ADGRV1: variants seen among roughly 807,000 people sequenced by gnomAD.
ADGRV1 encodes the protein adhesion G protein-coupled receptor V1, also known as G-protein coupled receptor 98.
Under a neutral mutation model 596.2 loss-of-function variants are expected in ADGRV1, and 359 were observed. The ratio of observed to expected loss-of-function variants is 0.60; its 90% CI spans 0.55 to 0.66. ADGRV1 has a LOEUF of 0.66. Ranked by LOEUF, ADGRV1 falls within the 30% of genes least tolerant of loss-of-function variation. ADGRV1 has a pLI of 0.00. For synonymous variants in ADGRV1, 2,681 were observed against 2,679.2 expected (o/e 1.00, Z -0.02); for missense variants, 7,274 against 7,575.6 (o/e 0.96, Z 1.48).
At chr5:91,120,021 A>G (rs1032820385) in intron 87 of ADGRV1, among the ~76,000 whole-genome samples, 1 of 152,150 alleles carries the variant, frequency 6.6e-6, no homozygotes, top group African/African-American at 2.4e-5. Flanking sequence ...AGGTGAGACT[A>G]GTAAGAACAA....
At chr5:90,648,999 A>G (rs1430403065) in intron 17 of ADGRV1, among the ~76,000 whole-genome samples, 1 of 152,166 alleles carries the variant, frequency 6.6e-6, no homozygotes, top group Non-Finnish European at 1.5e-5. Context: ...CGATGAAGGA[A>G]TGATATTATT....
At chr5:91,066,607 T>G (rs1308896256) in intron 85 of ADGRV1, among the ~76,000 whole-genome samples, 1 of 152,192 alleles carries the variant, frequency 6.6e-6, no homozygotes, top group Non-Finnish European at 1.5e-5. Context: ...TTTGGGGATG[T>G]GGAATCATAG....
chr5:90,566,905 G>T (rs2151947544), intron 1 of ADGRV1, among the ~76,000 whole-genome samples: 1 of 152,226 alleles, frequency 6.6e-6, no homozygotes, highest in South Asian at 2.1e-4. Context: ...ATCTTAGAGA[G>T]AAAACTTTTG....
chr5:91,095,892 C>T (rs900427653), intron 86 of ADGRV1, among the ~76,000 whole-genome samples: 9 of 152,052 alleles, frequency 5.9e-5, no homozygotes, highest in African/African-American at 2.2e-4. Context: ...GTGTCATGCT[C>T]CTGCCTCAGC....
In ADGRV1 at chr5:90,653,333, G is replaced by A. The variant is rs1768912966; in HGVS notation, c.3759G>A (p.Val1253=). The change falls in exon 20 of 90, where the codon GTG becomes GTA. Residue 1253 remains valine, a synonymous_variant. Coordinates refer to ENST00000405460, the MANE Select transcript of ADGRV1 (RefSeq NM_032119.4). ...ILDPECLERE[V]AEDVLSEDDM... Reference sequence around the variant, plus strand: ...ATCCAGAGTGTTTAGAGAGAGAAGTGGCAGAAGATGTCCTGTCTGAAGATG... The same window carrying A: ...ATCCAGAGTGTTTAGAGAGAGAAGTAGCAGAAGATGTCCTGTCTGAAGATG... The A allele has an allele frequency of 1.9e-6, 3 of 1,613,822 alleles. No homozygotes were observed. Among genetic ancestry groups the A allele is most frequent in the African/African-American group, 2.7e-5 (2 of 74,904 alleles).
intron 9 of ADGRV1, chr5:90,629,784 C>T (rs1339791624): frequency 3.8e-5 from 12 of 316,550 alleles, no homozygotes; most frequent in East Asian, 5.6e-5. Context: ...GTACACCAGA[C>T]GTGAAATGCC....
chr5:90,942,337 G>C (rs1282740286), intron 83 of ADGRV1, among the ~76,000 whole-genome samples: 3 of 152,178 alleles, frequency 2.0e-5, no homozygotes, highest in African/African-American at 7.2e-5. Context: ...AAAAACAGTG[G>C]ACTAGGTGTA....
At position 90,683,606 on chromosome 5, in the gene ADGRV1, T is replaced by A; in HGVS notation, c.5685T>A (p.Thr1895=). The change falls in exon 28 of 90, where the codon ACT becomes ACA. Residue 1895 remains threonine, a synonymous_variant. Transcript: ENST00000405460. The part of the protein sequence containing the change: ...VTLNVIRHHG[T]LSPVTLHWNI... The stretch of plus-strand genomic sequence containing the variant: ...TGTAGGTTATAAGACATCATGGAAC[T>A]CTGTCTCCAGTGACTTTGCATTGGA... The A allele has an allele frequency of 1.2e-6, 2 of 1,601,862 alleles. No homozygotes were observed. Among genetic ancestry groups the A allele is most frequent in the Non-Finnish European group, 1.7e-6 (2 of 1,170,196 alleles).
rs77751118 is a variant in ADGRV1 at position 90,753,271 on chromosome 5, C to A, written c.11122-303C>A. On this transcript the variant is annotated intron_variant, in intron 53 of 89. Transcript: ENST00000405460. ...GGATCTTTGTATATGGTATCTAGAACTTAGATTCCCAGAGAGACTGTATAC... is the reference window on the plus strand; with the variant it reads ...GGATCTTTGTATATGGTATCTAGAAATTAGATTCCCAGAGAGACTGTATAC... Among the ~76,000 whole-genome samples the A allele has an allele frequency of 0.049, 7,401 of 152,114 alleles. 613 individuals carry two copies. The highest frequency in any genetic ancestry group is 0.17 in the African/African-American group (7,005 of 41,484).
At chr5:90,830,683 C>A (rs1375750429) in intron 77 of ADGRV1, among the ~76,000 whole-genome samples, 1 of 152,070 alleles carries the variant, frequency 6.6e-6, no homozygotes, top group Non-Finnish European at 1.5e-5. Context: ...ATTTATGGAA[C>A]AATATATTTT....
intron 4 of ADGRV1, among the ~76,000 whole-genome samples, chr5:90,621,915 T>C (rs952800177): frequency 1.3e-5 from 2 of 152,132 alleles, no homozygotes; most frequent in Non-Finnish European, 2.9e-5. Flanking sequence ...AACTATCGCA[T>C]TGAAACCTCA....
At chr5:90,716,381 A>G in intron 42 of ADGRV1, 86 bp from the exon 43 acceptor site, 2 of 922,090 alleles carry the variant, frequency 2.2e-6, no homozygotes, top group South Asian at 2.5e-5. Context: ...GAGTTGGCCT[A>G]GTTTTCAATT....
intron 82 of ADGRV1, among the ~76,000 whole-genome samples, chr5:90,862,541 C>A (rs1767708161): frequency 6.6e-6 from 1 of 152,116 alleles, no homozygotes; most frequent in African/African-American, 2.4e-5. Context: ...AGTCAAGATG[C>A]ACAATATCTA....
intron 88 of ADGRV1, among the ~76,000 whole-genome samples, 176 bp from the exon 89 acceptor site, chr5:91,153,045 T>C (rs549789530): frequency 1.3e-5 from 2 of 152,254 alleles, no homozygotes; most frequent in East Asian, 3.9e-4. Flanking sequence ...TGAGACTCCA[T>C]CTCTAGAAAA....
rs1339086489 is a variant in ADGRV1, at chr5:90,689,858, C to T, written c.6491-3C>T. ...CTTAACATTTTACTTTTGGTCTTTT[C>T]AGGTGAAGATTATAGTATAGCTTCA... On this transcript the variant is annotated splice_polypyrimidine_tract_variant and splice_region_variant and intron_variant, in intron 29 of 89. Transcript: ENST00000405460. The T allele has an allele frequency of 1.2e-6, 2 of 1,606,246 alleles. No individual in the cohort carries two copies. The highest frequency in any genetic ancestry group is 1.7e-5 in the Admixed American group (1 of 59,538).
intron 22 of ADGRV1, among the ~76,000 whole-genome samples, chr5:90,673,417 A>G (rs76287917): frequency 6.6e-6 from 1 of 152,202 alleles, no homozygotes; most frequent in African/African-American, 2.4e-5. Context: ...ATATGATGTA[A>G]TACTGATGCA....
intron 1 of ADGRV1, among the ~76,000 whole-genome samples, chr5:90,608,330 T>A (rs567319183): frequency 6.6e-4 from 101 of 152,176 alleles, no homozygotes; most frequent in African/African-American, 2.3e-3. Context: ...TTACAGAGTG[T>A]TCATCCAAAT....
intron 83 of ADGRV1, among the ~76,000 whole-genome samples, chr5:90,875,784 C>G (rs1233680333): frequency 6.6e-6 from 1 of 152,064 alleles, no homozygotes; most frequent in African/African-American, 2.4e-5. Context: ...TATTGGAGTA[C>G]AGAAAAAGTT....
chr5:90,677,105 G>A (rs1744332586), intron 25 of ADGRV1, among the ~76,000 whole-genome samples: 1 of 151,994 alleles, frequency 6.6e-6, no homozygotes, highest in South Asian at 2.1e-4. Flanking sequence ...GTGTTTATCA[G>A]GACAGTCCCT....
Sources: gnomAD v4.1 joint callset for allele counts (sites outside exome capture counted in the v4.1 genomes callset) on GRCh38, gnomAD v4.1.1 for gene constraint, MANE v1.5 for transcripts, NCBI Gene and HGNC (gene_info 2026-07-23, HGNC 2026-07-21) for gene names.